LGR5: variants seen among roughly 807,000 people sequenced by gnomAD.
LGR5 encodes the protein leucine-rich repeat-containing G protein-coupled receptor 5.
A neutral mutation model predicts 76.7 loss-of-function variants in LGR5; 54 were observed. That is an observed-to-expected ratio of 0.70 (90% CI 0.57 to 0.88). LGR5 has a LOEUF of 0.88. Ranked by LOEUF, LGR5 falls within the 40% of genes least tolerant of loss-of-function variation. LGR5 has a pLI of 0.00. For synonymous variants in LGR5, 406 were observed against 421.9 expected, an observed-to-expected ratio of 0.96 and a Z score of 0.46; for missense variants, 1,078 against 1,073.3, an observed-to-expected ratio of 1.00 and a Z score of -0.06.
chr12:71,492,190 C>T (rs59014911), intron 1 of LGR5, among the ~76,000 whole-genome samples: 3,474 of 152,208 alleles, frequency 0.023, 137 homozygotes, highest in African/African-American at 0.079. Context: ...TGGCTTTCAA[C>T]GTTATCAACT....
chr12:71,443,925 T>A (rs1262679678), intron 1 of LGR5, among the ~76,000 whole-genome samples: 6 of 152,052 alleles, frequency 3.9e-5, no homozygotes, highest in East Asian at 3.8e-4. Context: ...TTTTTTTTTT[T>A]AATTATATGT....
Position 71,578,943 on chromosome 12 carries a change from T to C in LGR5, c.1406+14T>C. ...TCCAGAACTCAAGTGAGTTTGTCAT[T>C]AAAACTAATAAGATACATTTGTGGT... On this transcript the variant is annotated intron_variant, in intron 15 of 17. Coordinates refer to ENST00000266674, the MANE Select transcript of LGR5 (RefSeq NM_003667.4). The C allele has an allele frequency of 6.3e-7, 1 of 1,590,432 alleles. No homozygotes were observed. Among genetic ancestry groups the C allele is most frequent in the Non-Finnish European group, 8.6e-7 (1 of 1,169,464 alleles).
At chr12:71,468,709 CTTTTTTTT>C (rs538254378) in intron 1 of LGR5, among the ~76,000 whole-genome samples, 3 of 70,064 alleles carry the variant, frequency 4.3e-5, no homozygotes, top group African/African-American at 5.9e-5. Flanking sequence ...GTGGTAGCCT[CTTTTTTTT>C]TTTTTTTTTT....
intron 6 of LGR5, among the ~76,000 whole-genome samples, chr12:71,559,236 C>G (rs566590906): frequency 6.6e-6 from 1 of 152,112 alleles, no homozygotes; most frequent in Non-Finnish European, 1.5e-5. Flanking sequence ...TTAGTGAGCC[C>G]GGTTCAGTTG....
chr12:71,566,906 A>G lies in LGR5; in HGVS notation c.1064A>G (p.Gln355Arg), dbSNP rs150655850. The G allele has an allele frequency of 7.5e-4, 1,214 of 1,608,784 alleles. 15 individuals are homozygous for G. In the East Asian group the frequency reaches 0.021, roughly 27 times the overall value. ...QTVCNQLPNLQVLDLSYNLLE... is the reference protein window; with the variant it reads ...QTVCNQLPNLRVLDLSYNLLE... The stretch of plus-strand genomic sequence containing the variant: ...GTCTGCAATCAGTTACCTAATCTCC[A>G]AGTGCTGTGCGTATCAGTAAGGCAA... Residue 355 changes from glutamine to arginine, a missense_variant, in exon 11 of 18, where the codon CAA becomes CGA. Transcript: ENST00000266674.
rs146775061 is a variant in LGR5, at chr12:71,441,603, G to A, written c.212+1311G>A. 14 of 152,086 alleles carry A rather than the reference G, an allele frequency of 9.2e-5. No individual in the cohort carries two copies. The East Asian group carries it at 2.7e-3, about 29-fold the overall frequency. 9.4% of individuals were successfully genotyped at this position (152,086 alleles called of 1,614,324 possible). A position where few individuals can be genotyped will look rare whatever the true frequency, so the allele number is the denominator to read the frequency against. Reference sequence around the variant, plus strand: ...GATTCTTTTTCTGGAGACAGAGTGAGGAAGAAAAAAACATCTTTTACTTGC... The same window carrying A: ...GATTCTTTTTCTGGAGACAGAGTGAAGAAGAAAAAAACATCTTTTACTTGC... On this transcript the variant is annotated intron_variant, in intron 1 of 17. Coordinates refer to ENST00000266674, the MANE Select transcript of LGR5 (RefSeq NM_003667.4).
At chr12:71,508,080 T>A (rs376751060) in intron 2 of LGR5, among the ~76,000 whole-genome samples, 2 of 141,654 alleles carry the variant, frequency 1.4e-5, no homozygotes, top group Non-Finnish European at 3.1e-5. Context: ...AAAAAAAAAA[T>A]TGTTGGGAGT....
chr12:71,439,390 A>G (rs192439176), upstream of LGR5, among the ~76,000 whole-genome samples: 5 of 152,206 alleles, frequency 3.3e-5, no homozygotes, highest in East Asian at 9.7e-4. Context: ...AATCACTTCA[A>G]GTATCTCATC....
chr12:71,566,325 T>C lies in LGR5; in HGVS notation c.858-79T>C. The C allele has an allele frequency of 3.4e-6, 3 of 873,224 alleles. No homozygotes were observed. In the South Asian group the frequency reaches 4.4e-5, roughly 13 times the overall value. 54.1% of individuals were successfully genotyped at this position (873,224 alleles called of 1,614,324 possible). ...TAAAATTACATAAGTACATTTACTG[T>C]ATTTGTTCAAATTTTGAACAGATAT... is the stretch of plus-strand genomic sequence containing the variant. On this transcript the variant is annotated intron_variant, in intron 8 of 17. Transcript: ENST00000266674.
intron 4 of LGR5, among the ~76,000 whole-genome samples, chr12:71,552,519 C>G (rs1877540849): frequency 6.6e-6 from 1 of 150,958 alleles, no homozygotes; most frequent in Non-Finnish European, 1.5e-5. Context: ...GAGCCGAGAT[C>G]GCGCCATTGC....
At chr12:71,445,705 C>A (rs974534338) in intron 1 of LGR5, among the ~76,000 whole-genome samples, 1 of 151,048 alleles carries the variant, frequency 6.6e-6, no homozygotes, top group South Asian at 2.1e-4. Context: ...GAAACTGGAA[C>A]GGAGAAAAAC....
At chr12:71,564,978 C>CGT (rs941194443) in intron 8 of LGR5, among the ~76,000 whole-genome samples, 26 of 149,030 alleles carry the variant, frequency 1.7e-4, no homozygotes, top group African/African-American at 6.6e-4. Flanking sequence ...TGTATATATA[C>CGT]GTGTGTATAT....
At chr12:71,487,422 T>G (rs1040619228) in intron 1 of LGR5, among the ~76,000 whole-genome samples, 1 of 152,206 alleles carries the variant, frequency 6.6e-6, no homozygotes, top group Admixed American at 6.5e-5. Flanking sequence ...TTGTCTGTTT[T>G]GTTTTGTTTA....
rs12308154 is a variant in LGR5, at chr12:71,459,932, T to A, written c.212+19640T>A. 2.0e-5 allele frequency among the ~76,000 whole-genome samples: 3 copies of A among 151,996 alleles called. No individual in the cohort carries two copies. The East Asian group carries it at 5.8e-4, about 29-fold the overall frequency. ...GTTTGGGCTAGAGCTGTTTCCAAGGTTTATCTGCAGACCACTTAGAACAGT... is the reference window on the plus strand; with the variant it reads ...GTTTGGGCTAGAGCTGTTTCCAAGGATTATCTGCAGACCACTTAGAACAGT... On this transcript the variant is annotated intron_variant, in intron 1 of 17. Coordinates refer to ENST00000266674, the MANE Select transcript of LGR5 (RefSeq NM_003667.4).
intron 16 of LGR5, among the ~76,000 whole-genome samples, chr12:71,582,006 A>G (rs1195636713): frequency 6.6e-6 from 1 of 152,362 alleles, no homozygotes; most frequent in Non-Finnish European, 1.5e-5. Context: ...GTTACACAGA[A>G]TTCCCCAGGG....
intron 1 of LGR5, among the ~76,000 whole-genome samples, chr12:71,496,577 C>T (rs36071711): frequency 0.11 from 17,059 of 152,058 alleles, 1,083 homozygotes; most frequent in African/African-American, 0.16. Context: ...ATTCTACTCC[C>T]AGATATGTAC....
chr12:71,561,924 A>G lies in LGR5; in HGVS notation c.857+72A>G, dbSNP rs926550904. 4.6e-5 allele frequency: 41 copies of G among 898,500 alleles called. No homozygotes were observed. In the African/African-American group the frequency reaches 6.8e-4, roughly 15 times the overall value. The allele number at this position is 898,500 out of a possible 1,614,324, so 55.7% of individuals were successfully genotyped here. ...ATATATTATACTTTGAAATACAATG[A>G]ATATTCTATATTTGCCTGAGTTTTG... On this transcript the variant is annotated intron_variant, in intron 8 of 17. Coordinates refer to ENST00000266674, the MANE Select transcript of LGR5 (RefSeq NM_003667.4).
At chr12:71,463,428 A>G (rs1367495716) in intron 1 of LGR5, among the ~76,000 whole-genome samples, 1 of 152,224 alleles carries the variant, frequency 6.6e-6, no homozygotes, top group African/African-American at 2.4e-5. Context: ...TTTGTCACTT[A>G]CTTGATGTGT....
rs1877950197 is a variant in LGR5 at position 71,559,481 on chromosome 12, A to G, written c.717-105A>G. On this transcript the variant is annotated intron_variant, in intron 6 of 17. Transcript: ENST00000266674. ...ATAAAGAAAAGCAGTGAGAACTTCC[A>G]TTAGTCATATGGGTTCCTTGGAATA... 16 of 631,232 alleles carry G rather than the reference A, an allele frequency of 2.5e-5. No homozygotes were observed. In the East Asian group the frequency reaches 4.6e-4, roughly 18 times the overall value. The allele number at this position is 631,232 out of a possible 1,614,324, so 39.1% of individuals were successfully genotyped here.
Sources: gnomAD v4.1 joint callset for allele counts (sites outside exome capture counted in the v4.1 genomes callset) on GRCh38, gnomAD v4.1.1 for gene constraint, MANE v1.5 for transcripts, NCBI Gene and HGNC (gene_info 2026-07-23, HGNC 2026-07-21) for gene names.